The following ARK2N variants were observed in gnomAD, a reference collection of about 807,000 sequenced individuals.
The protein encoded by ARK2N is arkadia (RNF111) N-terminal like PKA signaling regulator 2N, also known as protein ARK2N.
the ARK2N span, among the ~76,000 whole-genome samples, chr18:46,190,574 A>G: frequency 5.3e-5 from 8 of 152,070 alleles, no homozygotes; most frequent in Non-Finnish European, 1.2e-4. Context: ...TAAAAAAATC[A>G]TTAGTGTCTA....
chr18:46,236,672 GTAATTACTT>G, the ARK2N span, among the ~76,000 whole-genome samples: 4 of 152,240 alleles, frequency 2.6e-5, no homozygotes, highest in East Asian at 7.7e-4. Context: ...TTTATTTGAA[GTAATTACTT>G]TGATGTTTTT....
chr18:46,176,504 G>C, the ARK2N span, among the ~76,000 whole-genome samples: 1 of 151,366 alleles, frequency 6.6e-6, no homozygotes, highest in Non-Finnish European at 1.5e-5. Flanking sequence ...ACCCAGGCTG[G>C]AGTGCAGTGG....
the ARK2N span, among the ~76,000 whole-genome samples, chr18:46,212,064 T>C: frequency 2.0e-5 from 3 of 152,228 alleles, no homozygotes; most frequent in African/African-American, 7.2e-5. Context: ...GAAGGGAGTT[T>C]AGTCAGAGCT....
At chr18:46,187,275 C>CT in the ARK2N span, among the ~76,000 whole-genome samples, 1 of 150,824 alleles carries the variant, frequency 6.6e-6, no homozygotes, top group African/African-American at 2.4e-5. Context: ...GAGCGAGACT[C>CT]TGTCTCATGA....
chr18:46,193,295 G>A, the ARK2N span, among the ~76,000 whole-genome samples: 1 of 151,272 alleles, frequency 6.6e-6, no homozygotes, highest in East Asian at 2.0e-4. Context: ...CCCCACCCCT[G>A]CTTTTTTTTT....
At chr18:46,192,311 C>T in the ARK2N span, among the ~76,000 whole-genome samples, 4 of 151,976 alleles carry the variant, frequency 2.6e-5, no homozygotes, top group Non-Finnish European at 4.4e-5. Context: ...AGGTGGCTCA[C>T]GCCTGTAATC....
At chr18:46,250,491 TAC>T in the ARK2N span, among the ~76,000 whole-genome samples, 40 of 129,666 alleles carry the variant, frequency 3.1e-4, no homozygotes, top group Non-Finnish European at 3.2e-4. Context: ...CCTCCATTCG[TAC>T]ACACACACAC....
At chr18:46,178,570 A>C in the ARK2N span, among the ~76,000 whole-genome samples, 1 of 152,204 alleles carries the variant, frequency 6.6e-6, no homozygotes, top group Non-Finnish European at 1.5e-5. Flanking sequence ...TCGGCCTCCC[A>C]AAGTGTTGGG....
At chr18:46,195,375 C>A in the ARK2N span, among the ~76,000 whole-genome samples, 1 of 148,164 alleles carries the variant, frequency 6.7e-6, no homozygotes, top group East Asian at 2.0e-4. Context: ...AGCAAGCAAT[C>A]CTGCCTCAGT....
At chr18:46,257,005 T>C in the ARK2N span, among the ~76,000 whole-genome samples, 1,311 of 152,346 alleles carry the variant, frequency 8.6e-3, 10 homozygotes, top group Non-Finnish European at 0.013. Context: ...GTTGCAGTTA[T>C]GAAGTATTGA....
chr18:46,173,970 C>T, the ARK2N span: 1 of 152,270 alleles, frequency 6.6e-6, no homozygotes, highest in Non-Finnish European at 1.5e-5. Flanking sequence ...GCGCCAGTCT[C>T]CAGAGGTCTC....
At chr18:46,198,234 G>A in the ARK2N span, among the ~76,000 whole-genome samples, 2 of 149,654 alleles carry the variant, frequency 1.3e-5, no homozygotes, top group Non-Finnish European at 3.0e-5. Context: ...ACTTGAACCC[G>A]GGAGGTGGAG....
chr18:46,206,196 C>G, the ARK2N span, among the ~76,000 whole-genome samples: 1 of 152,144 alleles, frequency 6.6e-6, no homozygotes, highest in African/African-American at 2.4e-5. Flanking sequence ...AGTGATCTTC[C>G]CATCTCAGTT....
the ARK2N span, among the ~76,000 whole-genome samples, chr18:46,258,214 C>G: frequency 2.6e-5 from 4 of 152,180 alleles, no homozygotes; most frequent in African/African-American, 9.7e-5. Flanking sequence ...GCGTGAGCCA[C>G]CATGCCCAGG....
the ARK2N span, among the ~76,000 whole-genome samples, chr18:46,202,287 C>T: frequency 1.3e-5 from 2 of 152,130 alleles, no homozygotes; most frequent in Admixed American, 1.3e-4. Context: ...GCAATTTCCT[C>T]AGGATCTGAT....
the ARK2N span, among the ~76,000 whole-genome samples, chr18:46,231,132 T>C: frequency 7.8e-4 from 119 of 152,366 alleles, no homozygotes; most frequent in African/African-American, 2.8e-3. Flanking sequence ...AAAATTTTAA[T>C]TTAGAGCCCA....
At chr18:46,216,422 A>G in the ARK2N span, 1 of 1,614,140 alleles carries the variant, frequency 6.2e-7, no homozygotes, top group Non-Finnish European at 8.5e-7. This position sits in a 1 kb window ranked among gnomAD's most constrained non-coding sequence, Gnocchi z 4.3. Flanking sequence ...AAGCACAAGG[A>G]GAGGATCAGG....
chr18:46,177,369 A>C, the ARK2N span, among the ~76,000 whole-genome samples: 2 of 151,966 alleles, frequency 1.3e-5, no homozygotes, highest in East Asian at 3.9e-4. Context: ...CAGCCTGGGC[A>C]ACATAGTGAG....
the ARK2N span, chr18:46,266,128 C>A: frequency 5.3e-5 from 8 of 152,188 alleles, no homozygotes; most frequent in African/African-American, 1.9e-4. Flanking sequence ...ATCCCATAAA[C>A]TTTGCTTTTA....
Sources: allele counts gnomAD v4.1 joint callset (sites outside exome capture counted in the v4.1 genomes callset), GRCh38; gene constraint gnomAD v4.1.1; non-coding constraint Gnocchi (gnomAD v3.1); transcripts MANE v1.5; gene names NCBI Gene and HGNC (gene_info 2026-07-23, HGNC 2026-07-21).